OTUD7A: variants seen among roughly 807,000 people sequenced by gnomAD.
OTUD7A encodes the protein OTU domain-containing protein 7A.
Under a neutral mutation model 65.7 loss-of-function variants are expected in OTUD7A, and 12 were observed. That is an observed-to-expected ratio of 0.18 (90% CI 0.12 to 0.30). The LOEUF (loss-of-function observed/expected upper bound fraction) is 0.30. Among genes scored for constraint, OTUD7A ranks in the 10% least tolerant of loss-of-function variants. The pLI, the probability that OTUD7A is intolerant of heterozygous loss-of-function variation, is 1.00. For synonymous variants in OTUD7A, 641 were observed against 586.3 expected, an observed-to-expected ratio of 1.09 and a Z score of -1.35; for missense variants, 1,148 against 1,304.8, an observed-to-expected ratio of 0.88 and a Z score of 1.85.
chr15:31,485,405 T>C (rs1238609986), intron 12 of OTUD7A, among the ~76,000 whole-genome samples: 3 of 152,190 alleles, frequency 2.0e-5, no homozygotes, highest in Admixed American at 6.5e-5. Context: ...GAATGCTAAA[T>C]TGAGGAGGAT....
chr15:31,514,037 TTTTCTTTC>T lies in OTUD7A; in HGVS notation c.894-10227_894-10220del, dbSNP rs148926323. The stretch of plus-strand genomic sequence containing the variant: ...GACATCCTCATCATTTCTTTTTTTC[TTTTCTTTC>T]TTTCTTTCTTTCTTTTTTTTTTTTT... On this transcript the variant is annotated intron_variant, in intron 8 of 12. Transcript: ENST00000307050. Among the ~76,000 whole-genome samples, 276 of 141,608 alleles carry T rather than the reference TTTTCTTTC, an allele frequency of 1.9e-3. 15 individuals are homozygous for T. The highest frequency in any genetic ancestry group is 2.2e-3 in the South Asian group (10 of 4,620). The allele number at this position is 141,608 out of a possible 152,430, so 92.9% of individuals were successfully genotyped here.
intron 3 of OTUD7A, among the ~76,000 whole-genome samples, chr15:31,592,904 A>AAATATAT (rs1416029921): frequency 1.9e-4 from 11 of 59,386 alleles, no homozygotes; most frequent in Non-Finnish European, 3.0e-4. Flanking sequence ...AAAAAAAAAA[A>AAATATAT]ATATATATAT....
intron 5 of OTUD7A, among the ~76,000 whole-genome samples, chr15:31,554,115 C>A (rs1000925928): frequency 3.9e-5 from 6 of 152,160 alleles, no homozygotes; most frequent in African/African-American, 1.2e-4. Context: ...GAAAGCCAGG[C>A]CCGCAGGTGT....
At chr15:31,566,354 A>G (rs1888874507) in intron 4 of OTUD7A, among the ~76,000 whole-genome samples, 1 of 152,222 alleles carries the variant, frequency 6.6e-6, no homozygotes, top group Non-Finnish European at 1.5e-5. Flanking sequence ...GATATGTGGG[A>G]AAAACACATA....
At chr15:31,658,642 G>C (rs1457476329) in intron 1 of OTUD7A, among the ~76,000 whole-genome samples, 3 of 152,282 alleles carry the variant, frequency 2.0e-5, no homozygotes, top group African/African-American at 7.2e-5. Flanking sequence ...AAGACACTTA[G>C]TGGAGGAAGT....
At chr15:31,508,901 G>C (rs907765618) in intron 8 of OTUD7A, among the ~76,000 whole-genome samples, 1 of 152,264 alleles carries the variant, frequency 6.6e-6, no homozygotes, top group Non-Finnish European at 1.5e-5. Context: ...CACCGCCCCT[G>C]CGCGTTGTGG....
chr15:31,660,376 G>A (rs537912819), intron 1 of OTUD7A, among the ~76,000 whole-genome samples: 1 of 152,320 alleles, frequency 6.6e-6, no homozygotes, highest in South Asian at 2.1e-4. Context: ...GGGCAGAAAG[G>A]CTTCTGTGGA....
intron 3 of OTUD7A, among the ~76,000 whole-genome samples, chr15:31,650,691 CAT>C (rs1476458876): frequency 7.6e-6 from 1 of 132,036 alleles, no homozygotes; most frequent in Non-Finnish European, 1.6e-5. Flanking sequence ...AATCTCAAAA[CAT>C]AGTATTTAAA....
At chr15:31,796,142 C>CGTGTGT (rs145581747) in intron 1 of OTUD7A, among the ~76,000 whole-genome samples, 100,111 of 148,008 alleles carry the variant, frequency 0.68, 36,631 homozygotes, top group Middle Eastern at 0.86. Context: ...GTAAGGGGTG[C>CGTGTGT]GTGTGTGTGT....
intron 1 of OTUD7A, among the ~76,000 whole-genome samples, chr15:31,763,146 G>A (rs538464103): frequency 1.2e-4 from 19 of 152,216 alleles, no homozygotes; most frequent in African/African-American, 4.6e-4. Flanking sequence ...AACTGGGCCT[G>A]GTAGCATGTA....
chr15:31,742,114 T>A (rs1318979841), intron 1 of OTUD7A, among the ~76,000 whole-genome samples: 1 of 152,080 alleles, frequency 6.6e-6, no homozygotes, highest in Non-Finnish European at 1.5e-5. Flanking sequence ...TAGGTGCAGA[T>A]GGTTTTCTCA....
rs184471796 is a variant in OTUD7A, at chr15:31,809,639, T to C, written c.-100+60868A>G. Among the ~76,000 whole-genome samples the C allele has an allele frequency of 3.1e-4, 47 of 152,330 alleles. No homozygotes were observed. The East Asian group carries it at 7.3e-3, about 24-fold the overall frequency. On this transcript the variant is annotated intron_variant, in intron 1 of 12. Transcript: ENST00000307050. ...TTCCCTTGAACTAGGACACAATGGC[T>C]AGTGCTTCAGCAGCCACCTTGTGGC... is the stretch of plus-strand genomic sequence containing the variant.
chr15:31,867,626 T>C (rs1051690216), intron 1 of OTUD7A, among the ~76,000 whole-genome samples: 4 of 152,208 alleles, frequency 2.6e-5, no homozygotes, highest in Non-Finnish European at 4.4e-5. Context: ...GGGGTTGCCC[T>C]GGCTGGCACA....
chr15:31,609,862 C>T (rs757479650), intron 3 of OTUD7A, among the ~76,000 whole-genome samples: 2 of 151,680 alleles, frequency 1.3e-5, no homozygotes, highest in Admixed American at 6.6e-5. Context: ...TGGCATCCAT[C>T]GCTGAGAGAC....
chr15:31,862,606 C>A (rs1489895627), intron 1 of OTUD7A, among the ~76,000 whole-genome samples: 1 of 152,158 alleles, frequency 6.6e-6, no homozygotes, highest in Non-Finnish European at 1.5e-5. Flanking sequence ...TCTTGTGAGA[C>A]TTACTTATTA....
chr15:31,520,685 G>C (rs2041925239), intron 8 of OTUD7A, among the ~76,000 whole-genome samples: 1 of 152,182 alleles, frequency 6.6e-6, no homozygotes, highest in African/African-American at 2.4e-5. Context: ...CATGCTGTTG[G>C]TAGGAATGTA....
intron 1 of OTUD7A, chr15:31,766,809 C>A: frequency 6.2e-7 from 1 of 1,612,860 alleles, no homozygotes; most frequent in South Asian, 1.1e-5. Context: ...TGGGCTTAGA[C>A]TCTAAAAACA....
rs745350783 is a variant in OTUD7A, at chr15:31,501,789, G to A, written c.1072C>T (p.Pro358Ser). 1 of 1,614,192 alleles carries A rather than the reference G, an allele frequency of 6.2e-7. No individual in the cohort carries two copies. The highest frequency in any genetic ancestry group is 8.5e-7 in the Non-Finnish European group (1 of 1,180,024). The change falls in exon 10 of 13, where the codon CCC (proline) becomes TCC (serine). Residue 358 changes from proline (P) to serine (S), a missense_variant. Physicochemically the swap from Pro to Ser is moderately conservative, Grantham distance 74. This residue lies in a region of OTUD7A where 58 missense variants were observed against 131.4 expected (regional missense o/e 0.44). Transcript: ENST00000307050. ...GGIYLPLEVP[P>S]NRCHCSPLVL... ...AGAGGCGAGCAGTGGCATCTGTTGG[G>A]AGGGACCTCCAAGGGCAGGTAGATC...
intron 1 of OTUD7A, among the ~76,000 whole-genome samples, chr15:31,743,401 T>G (rs1338107371): frequency 6.6e-6 from 1 of 152,192 alleles, no homozygotes; most frequent in Non-Finnish European, 1.5e-5. Flanking sequence ...AAAATAATTT[T>G]AAACTTGAAG....
Sources: gnomAD v4.1 joint callset for allele counts (sites outside exome capture counted in the v4.1 genomes callset) on GRCh38, gnomAD v4.1.1 for gene constraint, gnomAD v4.1.1 regional missense constraint, MANE v1.5 for transcripts, NCBI Gene and HGNC (gene_info 2026-07-23, HGNC 2026-07-21) for gene names.